The following KLHL15 variants were observed in gnomAD, a reference collection of about 807,000 sequenced individuals.
KLHL15 encodes kelch like family member 15.
KLHL15 carries 1 observed loss-of-function variant against 29.3 expected under a neutral mutation model. The observed-to-expected ratio is 0.03, with a 90% confidence interval of 0.01 to 0.16. The LOEUF (loss-of-function observed/expected upper bound fraction) is 0.16. Among genes scored for constraint, KLHL15 ranks in the 10% least tolerant of loss-of-function variants. The pLI, the probability that KLHL15 is intolerant of heterozygous loss-of-function variation, is 1.00. For missense variants in KLHL15, 215 were observed against 478.5 expected, an observed-to-expected ratio of 0.45 and a Z score of 5.14; for synonymous variants, 212 against 184.5, an observed-to-expected ratio of 1.15 and a Z score of -1.21.
intron 3 of KLHL15, among the ~76,000 whole-genome samples, chrX:24,004,470 G>A (rs1929403156): frequency 8.9e-6 from 1 of 112,222 alleles, no homozygotes; most frequent in African/African-American, 3.2e-5. Flanking sequence ...TTGATGTGGG[G>A]CTGATTATCA....
rs200199548 is a variant in KLHL15, at chrX:24,014,523, AAAAAAAC to A, written c.-7-7830_-7-7824del. 3.5e-4 allele frequency among the ~76,000 whole-genome samples: 38 copies of A among 107,156 alleles called. No individual in the cohort carries two copies. In the East Asian group the frequency reaches 4.3e-3, roughly 12 times the overall value. 93.1% of individuals were successfully genotyped at this position (107,156 alleles called of 115,157 possible). On this transcript the variant is annotated intron_variant, in intron 2 of 3. Coordinates refer to ENST00000328046, the MANE Select transcript of KLHL15 (RefSeq NM_030624.3). ...AGAAACTATGCTTTCTCAAAAAAAC[AAAAAAAC>A]AAAAAAAAACACAACAATTAAGGTT...
At chrX:24,020,280 T>C (rs149149594) in intron 2 of KLHL15, among the ~76,000 whole-genome samples, 1,203 of 112,355 alleles carry the variant, frequency 0.011, 21 homozygotes, top group African/African-American at 0.035. Context: ...CATACCAATA[T>C]AAAAGAAAAG....
rs1349865266 is a variant in KLHL15, at chrX:23,988,036, T to C, written c.1700A>G (p.Glu567Gly). 1 of 1,209,621 alleles carries C rather than the reference T, an allele frequency of 8.3e-7. No individual in the cohort carries two copies. Among genetic ancestry groups the C allele is most frequent in the Non-Finnish European group, 1.1e-6 (1 of 895,046 alleles). Residue 567 changes from glutamate to glycine, a missense_variant, in exon 4 of 4, where the codon GAA becomes GGA. Coordinates refer to ENST00000328046, the MANE Select transcript of KLHL15 (RefSeq NM_030624.3). Reference sequence around the variant, plus strand: ...GTACTCATCTTCCTTCCACTTGTTTTCATCCGGATCAAAAGTGAGGATGGA... The same window carrying C: ...GTACTCATCTTCCTTCCACTTGTTTCCATCCGGATCAAAAGTGAGGATGGA... ...SDSILTFDPD[E>G]NKWKEDEYPR... is the part of the protein sequence containing the mutation.
rs773962238 is a variant in KLHL15, at chrX:23,986,300, C to CAAAA, written c.*1617_*1620dup. 1 of 110,721 alleles carries CAAAA rather than the reference C, an allele frequency of 9.0e-6. No individual in the cohort carries two copies. The highest frequency in any genetic ancestry group is 3.3e-5 in the African/African-American group (1 of 30,419). 9.1% of individuals were successfully genotyped at this position (110,721 alleles called of 1,213,427 possible). A position where few individuals can be genotyped will look rare whatever the true frequency, so the allele number is the denominator to read the frequency against. ...AGCAGCAAAAAAACAAACAAACAAA[C>CAAAA]AAAAAAACAAAAAACACCAAACAAA... On this transcript the variant is annotated 3_prime_UTR_variant, in exon 4 of 4. Transcript: ENST00000328046.
rs914984818 is a variant in KLHL15 at position 23,988,614 on chromosome X, T to C, written c.1122A>G (p.Val374=). 73 of 1,209,631 alleles carry C rather than the reference T, an allele frequency of 6.0e-5. No homozygotes were observed. The highest frequency in any genetic ancestry group is 7.8e-5 in the Non-Finnish European group (70 of 895,102). The change falls in exon 4 of 4, where the codon GTA becomes GTG. Residue 374 remains valine, a synonymous_variant. Transcript: ENST00000328046. ...DMSVPRSEFA[V]GVIGKFIYAV... ...CGTAAATAAACTTCCCAATAACACC[T>C]ACAGCAAATTCAGAGCGTGGTACAG...
At chrX:24,007,480 G>C (rs1929469245) in intron 2 of KLHL15, among the ~76,000 whole-genome samples, 1 of 70,743 alleles carries the variant, frequency 1.4e-5, no homozygotes, top group Admixed American at 2.0e-4. Context: ...GAGACAGCAA[G>C]ACCCCATTTC....
Position 23,995,259 on chromosome X carries a change from T to C in KLHL15, c.706-6229A>G, listed in dbSNP as rs777898856. Among the ~76,000 whole-genome samples the C allele has an allele frequency of 2.7e-5, 3 of 110,344 alleles. No homozygotes were observed. The South Asian group carries it at 1.2e-3, about 43-fold the overall frequency. On this transcript the variant is annotated intron_variant, in intron 3 of 3. Coordinates refer to ENST00000328046, the MANE Select transcript of KLHL15 (RefSeq NM_030624.3). ...CAGTCTCTAATAAAAATACAAAAAT[T>C]ATCCGGGCATGTTGGTGTGCGCCTG... is the stretch of plus-strand genomic sequence containing the variant.
intron 1 of KLHL15, among the ~76,000 whole-genome samples, chrX:24,026,575 A>AC (rs1362897750): frequency 9.1e-5 from 4 of 43,735 alleles, no homozygotes; most frequent in African/African-American, 1.7e-4. Context: ...CCCCACCCCC[A>AC]CCCCCCGCCG....
At chrX:24,019,091 G>A (rs1180907753) in intron 2 of KLHL15, among the ~76,000 whole-genome samples, 1 of 112,033 alleles carries the variant, frequency 8.9e-6, no homozygotes, top group Admixed American at 9.5e-5. Context: ...TATTGCAACA[G>A]ACTGAATGCA....
intron 3 of KLHL15, among the ~76,000 whole-genome samples, chrX:24,001,806 A>T (rs1351604580): frequency 1.0e-5 from 1 of 98,210 alleles, no homozygotes; most frequent in Non-Finnish European, 2.1e-5. Context: ...TTGACTCAAA[A>T]AAAAAAAAAA....
chrX:24,008,264 G>A (rs1293593835), intron 2 of KLHL15, among the ~76,000 whole-genome samples: 1 of 111,020 alleles, frequency 9.0e-6, no homozygotes, highest in Non-Finnish European at 1.9e-5. Flanking sequence ...TTTTGTTTTC[G>A]GAGTCTTGCT....
In KLHL15 at chrX:24,014,095, TAA is replaced by T. The variant is rs11340896; in HGVS notation, c.-7-7397_-7-7396del. ...ACATAGACCCCATCTCTAACAAAAT[TAA>T]AAAAAAAAAAAAAATCAGCTGGGCA... On this transcript the variant is annotated intron_variant, in intron 2 of 3. Transcript: ENST00000328046. Among the ~76,000 whole-genome samples, 145 of 88,987 alleles carry T rather than the reference TAA, an allele frequency of 1.6e-3. 2 individuals are homozygous for T. Among genetic ancestry groups the T allele is most frequent in the Middle Eastern group, 5.6e-3 (1 of 178 alleles). The allele number at this position is 88,987 out of a possible 115,157, so 77.3% of individuals were successfully genotyped here. A position where few individuals can be genotyped will look rare whatever the true frequency, so the allele number is the denominator to read the frequency against.
chrX:24,017,758 C>A (rs916710796), intron 2 of KLHL15, among the ~76,000 whole-genome samples: 1 of 75,135 alleles, frequency 1.3e-5, no homozygotes, highest in African/African-American at 5.7e-5. Context: ...TCAGCCTGGG[C>A]AACAGAGTGA....
intron 3 of KLHL15, among the ~76,000 whole-genome samples, chrX:23,991,040 G>A (rs777397857): frequency 2.1e-4 from 23 of 110,096 alleles, no homozygotes; most frequent in African/African-American, 6.6e-4. Context: ...AGAACCCCTC[G>A]TCCAACTACA....
At chrX:23,998,033 C>A (rs1412719951) in intron 3 of KLHL15, among the ~76,000 whole-genome samples, 1 of 110,989 alleles carries the variant, frequency 9.0e-6, no homozygotes, top group Non-Finnish European at 1.9e-5. Context: ...ACAATCTCAG[C>A]GCACTGCAAC....
chrX:24,008,885 A>AAAC (rs1338917609), intron 2 of KLHL15, among the ~76,000 whole-genome samples: 1 of 105,976 alleles, frequency 9.4e-6, no homozygotes, highest in East Asian at 2.9e-4. Flanking sequence ...AAAAAAAAAC[A>AAAC]AAACAAAAAA....
intron 2 of KLHL15, among the ~76,000 whole-genome samples, chrX:24,022,048 C>T (rs780152950): frequency 4.9e-4 from 55 of 111,262 alleles, no homozygotes; most frequent in African/African-American, 1.5e-3. Flanking sequence ...TGTTAAAAGG[C>T]TGGGCGATGG....
intron 3 of KLHL15, among the ~76,000 whole-genome samples, chrX:24,001,293 A>G (rs1197890596): frequency 9.0e-6 from 1 of 111,620 alleles, no homozygotes. Flanking sequence ...GAGAAAGTGA[A>G]AAGATTTTAT....
In KLHL15 at chrX:24,002,265, G is replaced by C. The variant is rs1467236271; in HGVS notation, c.705+3724C>G. On this transcript the variant is annotated intron_variant, in intron 3 of 3. Coordinates refer to ENST00000328046, the MANE Select transcript of KLHL15 (RefSeq NM_030624.3). ...TAAAAATCAAAGACCAAAGAAAGCA[G>C]TTGAAACTATTTAAATCTTCACATC... Among the ~76,000 whole-genome samples, 3 of 112,357 alleles carry C rather than the reference G, an allele frequency of 2.7e-5. No homozygotes were observed. In the Admixed American group the frequency reaches 2.8e-4, roughly 11 times the overall value.
Sources: gnomAD v4.1 joint callset for allele counts (sites outside exome capture counted in the v4.1 genomes callset) on GRCh38, gnomAD v4.1.1 for gene constraint, MANE v1.5 for transcripts, NCBI Gene and HGNC (gene_info 2026-07-23, HGNC 2026-07-21) for gene names.